FGF12: variants seen among roughly 807,000 people sequenced by gnomAD.
The protein encoded by FGF12 is fibroblast growth factor 12.
Under a neutral mutation model 23.6 loss-of-function variants are expected in FGF12, and 14 were observed. That is an observed-to-expected ratio of 0.59 (90% CI 0.39 to 0.93). The LOEUF (loss-of-function observed/expected upper bound fraction) is 0.93. FGF12 is among the 40% of genes least tolerant of loss of function. The pLI, the probability that FGF12 is intolerant of heterozygous loss-of-function variation, is 0.00. For missense variants in FGF12, 175 were observed against 217.8 expected (o/e 0.80, Z 1.24); for synonymous variants, 62 against 77.3 (o/e 0.80, Z 1.04).
chr3:192,672,262 G>A (rs1297990936), intron 2 of FGF12, among the ~76,000 whole-genome samples: 1 of 151,128 alleles, frequency 6.6e-6, no homozygotes, highest in Non-Finnish European at 1.5e-5. Context: ...CAAATGCTTT[G>A]AGGGCAACTC....
intron 4 of FGF12, among the ~76,000 whole-genome samples, chr3:192,261,892 A>G (rs997271820): frequency 6.6e-6 from 1 of 152,158 alleles, no homozygotes; most frequent in Non-Finnish European, 1.5e-5. Flanking sequence ...GTAGTAGCCC[A>G]TGAAAATTCT....
chr3:192,170,412 AACAC>A (rs1467726279), intron 5 of FGF12, 42 bp downstream of exon 5: 2 of 1,531,826 alleles, frequency 1.3e-6, no homozygotes. Flanking sequence ...AATTGATGTC[AACAC>A]ACAGATAAGG....
In FGF12 at chr3:192,393,346, G is replaced by T. The variant is rs1358952622; in HGVS notation, c.14-32808C>A. Among the ~76,000 whole-genome samples the T allele has an allele frequency of 2.6e-5, 4 of 152,168 alleles. No homozygotes were observed. In the East Asian group the frequency reaches 5.8e-4, roughly 22 times the overall value. On this transcript the variant is annotated intron_variant, in intron 2 of 5. Coordinates refer to ENST00000445105, the MANE Select transcript of FGF12 (RefSeq NM_004113.6). ...TTGACTCTCAACTCACTTGTAAATA[G>T]GGAGAAATAATCCTATAGGAGCCCT...
intron 4 of FGF12, among the ~76,000 whole-genome samples, chr3:192,292,682 C>T (rs1307771064): frequency 6.6e-6 from 1 of 152,170 alleles, no homozygotes; most frequent in Non-Finnish European, 1.5e-5. Context: ...CAGTCTCTCT[C>T]TCTGACTGGC....
intron 2 of FGF12, among the ~76,000 whole-genome samples, chr3:192,367,402 G>A (rs1481771184): frequency 6.6e-6 from 1 of 152,168 alleles, no homozygotes; most frequent in Non-Finnish European, 1.5e-5. Context: ...TTCTTGTCAA[G>A]GGCTTCGGGG....
rs367599974 is a variant in FGF12 at position 192,170,662 on chromosome 3, G to C, written c.229-6C>G. 10 of 1,436,730 alleles carry C rather than the reference G, an allele frequency of 7.0e-6. No individual in the cohort carries two copies. In the African/African-American group the frequency reaches 2.0e-4, roughly 28 times the overall value. 89.0% of individuals were successfully genotyped at this position (1,436,730 alleles called of 1,614,324 possible). On this transcript the variant is annotated splice_region_variant and splice_polypyrimidine_tract_variant and intron_variant, in intron 4 of 5. Transcript: ENST00000445105. ...CATTCTGGAGTGAAAACATCCTGTA[G>C]GAAAAAAAAAAAAAGACACAAAAAA...
Position 192,434,929 on chromosome 3 carries a change from G to A in FGF12, c.14-74391C>T, listed in dbSNP as rs540530160. Among the ~76,000 whole-genome samples, 20 of 152,162 alleles carry A rather than the reference G, an allele frequency of 1.3e-4. No homozygotes were observed. In the South Asian group the frequency reaches 4.2e-3, roughly 32 times the overall value. On this transcript the variant is annotated intron_variant, in intron 2 of 5. Transcript: ENST00000445105. ...TTATCCAACCGCTTTTCAGGTCTAT[G>A]CGCATGTTTCTCAGTGGTGCTGTCT...
intron 2 of FGF12, among the ~76,000 whole-genome samples, chr3:192,709,865 T>C (rs1262841922): frequency 6.6e-6 from 1 of 152,216 alleles, no homozygotes; most frequent in Non-Finnish European, 1.5e-5. Flanking sequence ...CTGGTGTCTG[T>C]CTTCCGTGAT....
chr3:192,727,370 A>G, intron 1 of FGF12, 47 bp from the exon 2 acceptor site: 1 of 1,511,400 alleles, frequency 6.6e-7, no homozygotes, highest in Non-Finnish European at 8.8e-7. Context: ...TCAGCCACCA[A>G]AGGACACTTA....
chr3:192,215,422 C>T (rs1174173665), intron 4 of FGF12, among the ~76,000 whole-genome samples: 3 of 152,170 alleles, frequency 2.0e-5, no homozygotes, highest in Non-Finnish European at 2.9e-5. Flanking sequence ...ATTGATGGAC[C>T]TCACATGGCA....
intron 2 of FGF12, among the ~76,000 whole-genome samples, chr3:192,542,141 G>A (rs1197271977): frequency 6.6e-6 from 1 of 151,128 alleles, no homozygotes; most frequent in Non-Finnish European, 1.5e-5. Context: ...CCAAAGTGCT[G>A]GGATTACAGG....
rs1176548712 is a variant in FGF12 at position 192,335,392 on chromosome 3, G to A, written c.197C>T (p.Ala66Val). ...IQGVKASLYVAMNGEGYLYSS... is the reference protein window; with the variant it reads ...IQGVKASLYVVMNGEGYLYSS... ...GTAGAGATAGCCTTCACCATTCATG[G>A]CCACATAGAGGCTAGCCTTCACTCC... The change falls in exon 4 of 6, where the codon GCC (alanine) becomes GTC (valine). Residue 66 changes from alanine to valine, a missense_variant. Ala to Val is a moderately conservative substitution (Grantham distance 64). Coordinates refer to ENST00000445105, the MANE Select transcript of FGF12 (RefSeq NM_004113.6). 8.1e-6 allele frequency: 13 copies of A among 1,612,706 alleles called. No individual in the cohort carries two copies. Among genetic ancestry groups the A allele is most frequent in the South Asian group, 1.1e-5 (1 of 91,056 alleles).
At chr3:192,221,090 C>T (rs1560197735) in intron 4 of FGF12, among the ~76,000 whole-genome samples, 1 of 152,114 alleles carries the variant, frequency 6.6e-6, no homozygotes, top group Non-Finnish European at 1.5e-5. Context: ...GGGTCTCAGC[C>T]AAACATGGCA....
intron 2 of FGF12, among the ~76,000 whole-genome samples, chr3:192,541,587 G>A (rs1725364728): frequency 6.6e-6 from 1 of 152,042 alleles, no homozygotes; most frequent in African/African-American, 2.4e-5. Context: ...TCAAAATATA[G>A]TGTGTTTTTC....
At chr3:192,341,617 T>C (rs1187314108) in intron 3 of FGF12, among the ~76,000 whole-genome samples, 1 of 152,114 alleles carries the variant, frequency 6.6e-6, no homozygotes, top group Non-Finnish European at 1.5e-5. Context: ...AGATAAGCTT[T>C]AGGACCTACA....
chr3:192,425,334 G>A (rs1459108360), intron 2 of FGF12, among the ~76,000 whole-genome samples: 2 of 152,140 alleles, frequency 1.3e-5, no homozygotes, highest in African/African-American at 2.4e-5. Context: ...AATTACAAGG[G>A]TCCTTACAAG....
intron 2 of FGF12, among the ~76,000 whole-genome samples, chr3:192,401,797 T>C (rs1720771837): frequency 6.6e-6 from 1 of 152,214 alleles, no homozygotes; most frequent in African/African-American, 2.4e-5. Context: ...TTGCTTCAGC[T>C]ATACTTCAAT....
At chr3:192,637,530 T>A (rs1354898508) in intron 2 of FGF12, among the ~76,000 whole-genome samples, 1 of 152,214 alleles carries the variant, frequency 6.6e-6, no homozygotes, top group East Asian at 1.9e-4. Flanking sequence ...CTCTCTGCAT[T>A]CAGCTTCATT....
chr3:192,170,225 A>C (rs1577199185), intron 5 of FGF12, among the ~76,000 whole-genome samples: 1 of 145,816 alleles, frequency 6.9e-6, no homozygotes, highest in Non-Finnish European at 1.5e-5. Flanking sequence ...GGTTGCAGTG[A>C]GCCGAGACTG....
Sources: allele counts gnomAD v4.1 joint callset (sites outside exome capture counted in the v4.1 genomes callset), GRCh38; gene constraint gnomAD v4.1.1; transcripts MANE v1.5; gene names NCBI Gene and HGNC (gene_info 2026-07-23, HGNC 2026-07-21).